EXOC6B: variants seen among roughly 807,000 people sequenced by gnomAD.
The protein encoded by EXOC6B is SEC15 homolog B.
In EXOC6B, 54 loss-of-function variants were observed where a neutral mutation model predicts 113.5. That is an observed-to-expected ratio of 0.48 (90% CI 0.38 to 0.60). The LOEUF is 0.60. Ranked by LOEUF, EXOC6B falls within the 20% of genes least tolerant of loss-of-function variation. EXOC6B has a pLI of 0.00. For missense variants in EXOC6B, 797 were observed against 977.5 expected (o/e 0.82, Z 2.46); for synonymous variants, 357 against 339.0 (o/e 1.05, Z -0.58).
At chr2:72,802,049 G>A (rs960230736) in intron 1 of EXOC6B, among the ~76,000 whole-genome samples, 17 of 152,168 alleles carry the variant, frequency 1.1e-4, no homozygotes, top group Admixed American at 9.2e-4. Context: ...TTGTGGCTGG[G>A]CACTGTGGCT....
At chr2:72,234,656 T>G (rs545597947) in intron 20 of EXOC6B, among the ~76,000 whole-genome samples, 1 of 152,196 alleles carries the variant, frequency 6.6e-6, no homozygotes, top group East Asian at 1.9e-4. Flanking sequence ...ATTTGCAAAC[T>G]ATGCATCTGA....
intron 18 of EXOC6B, among the ~76,000 whole-genome samples, chr2:72,429,955 T>C (rs1695426769): frequency 6.6e-6 from 1 of 152,232 alleles, no homozygotes; most frequent in Non-Finnish European, 1.5e-5. Context: ...ATGACACTGT[T>C]TGGGATGATA....
chr2:72,654,001 A>T (rs564749747), intron 6 of EXOC6B, among the ~76,000 whole-genome samples: 2 of 140,688 alleles, frequency 1.4e-5, no homozygotes, highest in South Asian at 2.2e-4. Context: ...ACGGAGTCTT[A>T]CTCTGTCGCC....
chr2:72,806,206 T>A (rs754272424), intron 1 of EXOC6B, among the ~76,000 whole-genome samples: 12 of 152,180 alleles, frequency 7.9e-5, no homozygotes, highest in Non-Finnish European at 4.4e-5. Context: ...TAGTCCACAG[T>A]GTCTACTATT....
At chr2:72,460,204 T>G (rs1402720078) in intron 18 of EXOC6B, among the ~76,000 whole-genome samples, 1 of 152,010 alleles carries the variant, frequency 6.6e-6, no homozygotes, top group Admixed American at 6.6e-5. Flanking sequence ...CAAAAATTAA[T>G]TCAAGATGGA....
rs532818500 is a variant in EXOC6B at position 72,420,547 on chromosome 2, T to C, written c.1981-40677A>G. 3.3e-5 allele frequency among the ~76,000 whole-genome samples: 5 copies of C among 152,288 alleles called. No homozygotes were observed. In the South Asian group the frequency reaches 1.0e-3, roughly 32 times the overall value. ...ATGATGGCTTTTACCTTCATCCATG[T>C]CCCTGCAAAGGACATGAGCTCATCC... On this transcript the variant is annotated intron_variant, in intron 18 of 21. Coordinates refer to ENST00000272427, the MANE Select transcript of EXOC6B (RefSeq NM_015189.3).
At chr2:72,645,366 T>C (rs1673625585) in intron 6 of EXOC6B, among the ~76,000 whole-genome samples, 1 of 152,018 alleles carries the variant, frequency 6.6e-6, no homozygotes, top group South Asian at 2.1e-4. Flanking sequence ...CCACTGTCAA[T>C]ATTAGACAGA....
At chr2:72,736,473 T>C (rs1680971284) in intron 2 of EXOC6B, among the ~76,000 whole-genome samples, 1 of 152,140 alleles carries the variant, frequency 6.6e-6, no homozygotes, top group Non-Finnish European at 1.5e-5. Context: ...CTCCCAGGTG[T>C]CCTGCTAGAC....
At chr2:72,689,558 A>G (rs1053039719) in intron 6 of EXOC6B, among the ~76,000 whole-genome samples, 3 of 152,198 alleles carry the variant, frequency 2.0e-5, no homozygotes, top group Non-Finnish European at 2.9e-5. Context: ...TTGATTGGCT[A>G]TGAAGTGAGG....
At chr2:72,376,310 G>T (rs2105048845) in intron 19 of EXOC6B, among the ~76,000 whole-genome samples, 1 of 152,194 alleles carries the variant, frequency 6.6e-6, no homozygotes, top group South Asian at 2.1e-4. Context: ...GTTTATTTTT[G>T]AAGGATATTT....
chr2:72,514,689 A>C lies in EXOC6B; in HGVS notation c.1000-9T>G, dbSNP rs1373750606. ...CCATCTAAAGTTTCATGCTGCAACA[A>C]AGCAAAGAAGAAAAAGTTATTGTTT... On this transcript the variant is annotated splice_polypyrimidine_tract_variant and intron_variant, in intron 9 of 21. Transcript: ENST00000272427. 1 of 1,478,272 alleles carries C rather than the reference A, an allele frequency of 6.8e-7. No individual in the cohort carries two copies. The highest frequency in any genetic ancestry group is 1.4e-5 in the African/African-American group (1 of 71,014). The allele number at this position is 1,478,272 out of a possible 1,614,324, so 91.6% of individuals were successfully genotyped here.
At chr2:72,277,995 T>G (rs1684902050) in intron 20 of EXOC6B, among the ~76,000 whole-genome samples, 1 of 152,118 alleles carries the variant, frequency 6.6e-6, no homozygotes, top group South Asian at 2.1e-4. Flanking sequence ...TTAAAAAAAA[T>G]TATCATCTCT....
chr2:72,454,350 A>G (rs891421043), intron 18 of EXOC6B, among the ~76,000 whole-genome samples: 1 of 152,104 alleles, frequency 6.6e-6, no homozygotes, highest in African/African-American at 2.4e-5. Context: ...CAAAAAAATA[A>G]TAAGTTAGCC....
rs761538618 is a variant in EXOC6B at position 72,492,387 on chromosome 2, C to T, written c.1596G>A (p.Leu532=). 8 of 1,612,854 alleles carry T rather than the reference C, an allele frequency of 5.0e-6. No individual in the cohort carries two copies. In the African/African-American group the frequency reaches 1.1e-4, roughly 22 times the overall value. The change falls in exon 16 of 22, where the codon CTG becomes CTA. Residue 532 remains leucine (L), a synonymous_variant. Coordinates refer to ENST00000272427, the MANE Select transcript of EXOC6B (RefSeq NM_015189.3). ...AGTTGCTCAGAGTCCTGGTTAGCAA[C>T]AGGTTTGTTGATTTCCGAATCATGT... ...VDDMIRKSTN[L]LLTRTLSNSL... is the part of the protein sequence containing the mutation.
chr2:72,515,105 T>C lies in EXOC6B; in HGVS notation c.937A>G (p.Asn313Asp). The C allele has an allele frequency of 6.2e-7, 1 of 1,604,998 alleles. No individual in the cohort carries two copies. Among genetic ancestry groups the C allele is most frequent in the Non-Finnish European group, 8.5e-7 (1 of 1,175,540 alleles). ...TTTCGCCTCTGTTTTCGGTAGTAATTCTCAAATGTTTCCCGGGCACCCTGT... is the reference window on the plus strand; with the variant it reads ...TTTCGCCTCTGTTTTCGGTAGTAATCCTCAAATGTTTCCCGGGCACCCTGT... ...SVLGARETFE[N>D]YYRKQRRKQA... The change falls in exon 9 of 22, where the codon AAT (asparagine) becomes GAT (aspartate). Residue 313 changes from asparagine to aspartate, a missense_variant. Transcript: ENST00000272427.
intron 6 of EXOC6B, among the ~76,000 whole-genome samples, chr2:72,709,452 T>C (rs1679125595): frequency 1.3e-5 from 2 of 152,164 alleles, no homozygotes; most frequent in African/African-American, 2.4e-5. Context: ...TTGGCTTCAC[T>C]ACATTCTGCA....
At chr2:72,485,461 C>A (rs1237961272) in intron 16 of EXOC6B, among the ~76,000 whole-genome samples, 1 of 152,120 alleles carries the variant, frequency 6.6e-6, no homozygotes, top group Non-Finnish European at 1.5e-5. Flanking sequence ...GAAATAGTAG[C>A]ATTGGTTCTC....
chr2:72,788,623 C>A (rs1393257048), intron 1 of EXOC6B, among the ~76,000 whole-genome samples: 1 of 151,878 alleles, frequency 6.6e-6, no homozygotes, highest in Non-Finnish European at 1.5e-5. Context: ...ACAGTGAGAC[C>A]CCATCTCTAC....
intron 6 of EXOC6B, among the ~76,000 whole-genome samples, chr2:72,631,702 G>A (rs1256420746): frequency 4.0e-5 from 6 of 151,602 alleles, no homozygotes; most frequent in Non-Finnish European, 7.4e-5. Context: ...ATGGGGTTTC[G>A]CCATGTTGTC....
Sources: allele counts gnomAD v4.1 joint callset (sites outside exome capture counted in the v4.1 genomes callset), GRCh38; gene constraint gnomAD v4.1.1; transcripts MANE v1.5; gene names NCBI Gene and HGNC (gene_info 2026-07-23, HGNC 2026-07-21).